GLI2: variants seen among roughly 807,000 people sequenced by gnomAD.
The protein encoded by GLI2 is transcription activator GLI2.
Under a neutral mutation model 78.9 loss-of-function variants are expected in GLI2, and 22 were observed. That is an observed-to-expected ratio of 0.28 (90% CI 0.20 to 0.40). The LOEUF (loss-of-function observed/expected upper bound fraction) is 0.40, where lower values mean the gene tolerates loss of function less well. Among genes scored for constraint, GLI2 ranks in the 10% least tolerant of loss-of-function variants. The probability of loss-of-function intolerance (pLI) is 1.00; values close to 1 mark genes in which losing one functional copy is unlikely to be tolerated. For missense variants in GLI2, 2,097 were observed against 2,213.2 expected (o/e 0.95, Z 1.05); for synonymous variants, 974 against 963.7 (o/e 1.01, Z -0.20).
chr2:120,794,949 T>C (rs1035855982), intron 1 of GLI2, among the ~76,000 whole-genome samples: 6 of 152,178 alleles, frequency 3.9e-5, no homozygotes, highest in Admixed American at 2.0e-4. Context: ...CTGGCCAGGC[T>C]GGTGTGTGCA....
chr2:120,857,999 C>T (rs748178938), intron 2 of GLI2, among the ~76,000 whole-genome samples: 179 of 152,230 alleles, frequency 1.2e-3, no homozygotes, highest in African/African-American at 3.4e-3. Context: ...TTTTGTGGGT[C>T]GATGGAAAGG....
In GLI2 at chr2:120,864,683, G is replaced by A. The variant is rs574370066; in HGVS notation, c.149-62678G>A. 2.0e-5 allele frequency among the ~76,000 whole-genome samples: 3 copies of A among 152,222 alleles called. No homozygotes were observed. The South Asian group carries it at 6.2e-4, about 32-fold the overall frequency. ...AGGATGGTCTCGATCTCTTGACCTC[G>A]TAATCCACCCACGTTGGCCTCCCAA... On this transcript the variant is annotated intron_variant, in intron 2 of 13. Transcript: ENST00000361492.
intron 1 of GLI2, among the ~76,000 whole-genome samples, chr2:120,779,842 G>A (rs537531765): frequency 6.6e-6 from 1 of 152,202 alleles, no homozygotes; most frequent in Non-Finnish European, 1.5e-5. Flanking sequence ...TGGCAGCCTC[G>A]GGCTCTGTTC....
At chr2:120,867,493 G>A (rs557763535) in intron 2 of GLI2, 1 of 152,380 alleles carries the variant, frequency 6.6e-6, no homozygotes, top group East Asian at 1.9e-4. Context: ...CCAGCCCGGC[G>A]GTCCACCGCC....
intron 10 of GLI2, among the ~76,000 whole-genome samples, chr2:120,979,221 A>G (rs1186965287): frequency 2.0e-5 from 3 of 151,974 alleles, no homozygotes; most frequent in African/African-American, 7.3e-5. Context: ...TGCCTGCATC[A>G]GCCTCCCAAA....
intron 3 of GLI2, among the ~76,000 whole-genome samples, chr2:120,945,422 G>A (rs1206027101): frequency 6.6e-6 from 1 of 152,174 alleles, no homozygotes; most frequent in African/African-American, 2.4e-5. Context: ...CGGCCACTGT[G>A]GGCAGGATGT....
intron 1 of GLI2, among the ~76,000 whole-genome samples, chr2:120,747,177 TG>T (rs1446082142): frequency 2.6e-5 from 4 of 152,246 alleles, no homozygotes; most frequent in Non-Finnish European, 2.9e-5. Context: ...TAGGCGTTAA[TG>T]GAGTTCCAGC....
intron 3 of GLI2, among the ~76,000 whole-genome samples, chr2:120,934,921 A>G (rs1176316192): frequency 4.6e-5 from 7 of 152,170 alleles, no homozygotes; most frequent in Non-Finnish European, 8.8e-5. Flanking sequence ...TAATGAACAC[A>G]GCAGCCTGCT....
At chr2:120,769,170 G>A (rs1183997300) in intron 1 of GLI2, among the ~76,000 whole-genome samples, 2 of 152,152 alleles carry the variant, frequency 1.3e-5, no homozygotes, top group African/African-American at 2.4e-5. Flanking sequence ...CCCCCACTTG[G>A]TGCCCAGCCT....
intron 2 of GLI2, among the ~76,000 whole-genome samples, chr2:120,920,513 C>T (rs1679317932): frequency 6.6e-6 from 1 of 152,230 alleles, no homozygotes; most frequent in African/African-American, 2.4e-5. Flanking sequence ...CTGCCCTCCT[C>T]ACTAACACAA....
rs541746592 is a variant in GLI2, at chr2:120,870,573, C to T, written c.149-56788C>T. Among the ~76,000 whole-genome samples, 11 of 152,212 alleles carry T rather than the reference C, an allele frequency of 7.2e-5. No individual in the cohort carries two copies. The South Asian group carries it at 2.3e-3, about 32-fold the overall frequency. On this transcript the variant is annotated intron_variant, in intron 2 of 13. Coordinates refer to ENST00000361492, the MANE Select transcript of GLI2 (RefSeq NM_001374353.1). ...AGGTGTGACTGCCAGTGACACCTGC[C>T]GGAATGTGAACTTCACGGATAGCGC...
chr2:120,927,542 C>A, intron 3 of GLI2, 76 bp downstream of exon 3: 1 of 910,056 alleles, frequency 1.1e-6, no homozygotes, highest in Non-Finnish European at 1.9e-6. Context: ...CAGCCTCAGC[C>A]ACATCTCCTG....
intron 2 of GLI2, among the ~76,000 whole-genome samples, chr2:120,917,735 T>C (rs1415054498): frequency 6.6e-6 from 1 of 152,258 alleles, no homozygotes; most frequent in Non-Finnish European, 1.5e-5. Flanking sequence ...AGGGGAGTTA[T>C]TGCTGCAGCC....
intron 5 of GLI2, among the ~76,000 whole-genome samples, chr2:120,958,278 G>A (rs1681373157): frequency 6.6e-6 from 1 of 152,202 alleles, no homozygotes; most frequent in Non-Finnish European, 1.5e-5. Context: ...GAATAATGCT[G>A]GTGCAGGTCT....
rs371264364 is a variant in GLI2, at chr2:120,753,753, C to T, written c.-31+17468C>T. ...CTCTACTAAAAATACAAAAAATTAG[C>T]CGGGCGAGGTGGCGGGCGCCTGCAG... On this transcript the variant is annotated intron_variant, in intron 1 of 13. Transcript: ENST00000361492. Among the ~76,000 whole-genome samples, 26 of 152,094 alleles carry T rather than the reference C, an allele frequency of 1.7e-4. No homozygotes were observed. In the East Asian group the frequency reaches 3.1e-3, roughly 18 times the overall value.
chr2:120,895,217 AAAC>A (rs1287935955), intron 2 of GLI2, among the ~76,000 whole-genome samples: 1 of 152,242 alleles, frequency 6.6e-6, no homozygotes, highest in African/African-American at 2.4e-5. Flanking sequence ...AGGGAAAAGA[AAAC>A]AACAACAATG....
chr2:120,880,546 A>G (rs1677065642), intron 2 of GLI2, among the ~76,000 whole-genome samples: 1 of 152,126 alleles, frequency 6.6e-6, no homozygotes, highest in African/African-American at 2.4e-5. Flanking sequence ...AGGAGGGGAA[A>G]CCAGGTCACA....
At chr2:120,781,125 G>T (rs1001292336) in intron 1 of GLI2, among the ~76,000 whole-genome samples, 1 of 152,246 alleles carries the variant, frequency 6.6e-6, no homozygotes. Context: ...TTCTGGGCCT[G>T]GTGGGAGGCT....
At chr2:120,886,159 AGTGTGT>A (rs532891541) in intron 2 of GLI2, among the ~76,000 whole-genome samples, 3,106 of 116,586 alleles carry the variant, frequency 0.027, 44 homozygotes, top group Non-Finnish European at 0.037. Flanking sequence ...ATTTTTCCAA[AGTGTGT>A]GTGTGTGTGT....
Sources: gnomAD v4.1 joint callset for allele counts (sites outside exome capture counted in the v4.1 genomes callset) on GRCh38, gnomAD v4.1.1 for gene constraint, MANE v1.5 for transcripts, NCBI Gene and HGNC (gene_info 2026-07-23, HGNC 2026-07-21) for gene names.